The following CNTLN variants were observed in gnomAD, a reference collection of about 807,000 sequenced individuals.
CNTLN encodes the protein centlein, centrosomal protein.
Under a neutral mutation model 180.0 loss-of-function variants are expected in CNTLN, and 212 were observed. The observed-to-expected ratio is 1.18, with a 90% CI of 1.05 to 1.32. The LOEUF (loss-of-function observed/expected upper bound fraction) is 1.32, where lower values mean the gene tolerates loss of function less well. Among genes scored for constraint, CNTLN ranks in the 40% most tolerant of loss-of-function variants. CNTLN has a pLI of 0.00. For missense variants in CNTLN, 2,095 were observed against 1,610.9 expected (o/e 1.30, Z -5.14); for synonymous variants, 722 against 563.1 (o/e 1.28, Z -3.99).
At chr9:17,287,315 ATTT>A in intron 6 of CNTLN, among the ~76,000 whole-genome samples, 1 of 147,596 alleles carries the variant, frequency 6.8e-6, no homozygotes, top group Non-Finnish European at 1.5e-5. Flanking sequence ...ACATTTATTG[ATTT>A]GCGTATATTG....
intron 10 of CNTLN, among the ~76,000 whole-genome samples, chr9:17,333,519 C>T (rs781042865): frequency 6.6e-6 from 1 of 152,016 alleles, no homozygotes; most frequent in African/African-American, 2.4e-5. Context: ...ACACATGAAG[C>T]TCAGATTCTT....
intron 18 of CNTLN, among the ~76,000 whole-genome samples, chr9:17,420,531 G>GT (rs1828635174): frequency 6.6e-6 from 1 of 151,296 alleles, no homozygotes; most frequent in South Asian, 2.1e-4. Context: ...TTTTCATATT[G>GT]TTTTGTTCGT....
chr9:17,438,738 G>A (rs1410127740), intron 18 of CNTLN, among the ~76,000 whole-genome samples: 2 of 152,178 alleles, frequency 1.3e-5, no homozygotes, highest in African/African-American at 4.8e-5. Flanking sequence ...GCCTGGGCTA[G>A]ACATATAAAT....
At chr9:17,253,778 T>A (rs2132295260) in intron 5 of CNTLN, among the ~76,000 whole-genome samples, 1 of 150,816 alleles carries the variant, frequency 6.6e-6, no homozygotes, top group Admixed American at 6.6e-5. Flanking sequence ...TTTTTTCTTT[T>A]GCCTGATTGC....
At chr9:17,210,411 G>T (rs186729792) in intron 2 of CNTLN, among the ~76,000 whole-genome samples, 3,121 of 152,246 alleles carry the variant, frequency 0.02, 60 homozygotes, top group African/African-American at 0.055. Context: ...TTTTATGGCT[G>T]CATAGTAGTC....
At chr9:17,293,674 A>G (rs1817575190) in intron 6 of CNTLN, among the ~76,000 whole-genome samples, 1 of 152,122 alleles carries the variant, frequency 6.6e-6, no homozygotes, top group South Asian at 2.1e-4. Flanking sequence ...GATGGCTGCC[A>G]CCCCTTGCCC....
At chr9:17,240,027 C>T (rs963716113) in intron 5 of CNTLN, among the ~76,000 whole-genome samples, 1 of 152,094 alleles carries the variant, frequency 6.6e-6, no homozygotes, top group African/African-American at 2.4e-5. Flanking sequence ...TAGAGATTGC[C>T]TTGAATCAGT....
chr9:17,257,112 G>T (rs1169596584), intron 5 of CNTLN, among the ~76,000 whole-genome samples: 1 of 151,856 alleles, frequency 6.6e-6, no homozygotes, highest in Non-Finnish European at 1.5e-5. Context: ...ATCTCCTAAT[G>T]CTATCCCTCC....
chr9:17,388,347 C>T (rs1825847128), intron 14 of CNTLN, 94 bp downstream of exon 14: 1 of 759,988 alleles, frequency 1.3e-6, no homozygotes, highest in Non-Finnish European at 2.1e-6. Context: ...TAAATGTAAA[C>T]CTTGTGTGAA....
rs537196987 is a variant in CNTLN, at chr9:17,182,421, G to A, written c.449+39045G>A. Among the ~76,000 whole-genome samples the A allele has an allele frequency of 1.4e-3, 220 of 152,032 alleles. 1 individual carries two copies. Among genetic ancestry groups the A allele is most frequent in the Non-Finnish European group, 1.6e-3 (110 of 67,990 alleles). On this transcript the variant is annotated intron_variant, in intron 2 of 25. Transcript: ENST00000380647. ...AGGTCCCAAGGTCTCTAGTCAATCT[G>A]CCTTTTTTCCCCCACTTCAGAGTTT...
intron 13 of CNTLN, among the ~76,000 whole-genome samples, chr9:17,377,254 T>C (rs1412870785): frequency 1.3e-5 from 2 of 152,078 alleles, no homozygotes. Flanking sequence ...CCAGATAAAA[T>C]TCAAAGTATT....
chr9:17,234,457 C>G (rs1825013040), intron 3 of CNTLN, among the ~76,000 whole-genome samples: 1 of 151,972 alleles, frequency 6.6e-6, no homozygotes, highest in South Asian at 2.1e-4. Context: ...TCAAAAAAAA[C>G]TAACTAAATA....
At chr9:17,414,775 T>A (rs1828099933) in intron 16 of CNTLN, among the ~76,000 whole-genome samples, 1 of 152,192 alleles carries the variant, frequency 6.6e-6, no homozygotes, top group South Asian at 2.1e-4. Flanking sequence ...ATTGCATATA[T>A]CTATGTTTCC....
At chr9:17,326,040 A>C (rs1342240584) in intron 8 of CNTLN, among the ~76,000 whole-genome samples, 3 of 152,114 alleles carry the variant, frequency 2.0e-5, no homozygotes, top group African/African-American at 7.2e-5. Flanking sequence ...TAACACCTAA[A>C]GGCCCTTCCC....
intron 5 of CNTLN, among the ~76,000 whole-genome samples, chr9:17,260,300 T>G (rs940450918): frequency 2.7e-5 from 4 of 150,862 alleles, no homozygotes; most frequent in East Asian, 1.9e-4. Context: ...GTGAGTTTCT[T>G]AATCCTGAGT....
At chr9:17,512,787 C>T in the CNTLN span, among the ~76,000 whole-genome samples, 1 of 152,144 alleles carries the variant, frequency 6.6e-6, no homozygotes, top group African/African-American at 2.4e-5. Flanking sequence ...TGCTAGGAGA[C>T]ACACAGGACT....
Position 17,415,815 on chromosome 9 carries a change from A to G in CNTLN, c.2824A>G (p.Lys942Glu). The G allele has an allele frequency of 6.2e-7, 1 of 1,612,286 alleles. No homozygotes were observed. The highest frequency in any genetic ancestry group is 8.5e-7 in the Non-Finnish European group (1 of 1,179,082). Residue 942 changes from lysine (K) to glutamate (E), a missense_variant, in exon 17 of 26, where the codon AAA becomes GAA. Transcript: ENST00000380647. ...KDYFHDKNAK[K>E]PTFQKKNCKM... ...CTATTTTCATGATAAGAATGCCAAA[A>G]AACCAACTTTTCAAAAGAAGAATTG...
chr9:17,249,354 G>GTT (rs71327899), intron 5 of CNTLN, among the ~76,000 whole-genome samples: 5 of 99,120 alleles, frequency 5.0e-5, no homozygotes, highest in Non-Finnish European at 9.6e-5. Flanking sequence ...TGTTTTTTTT[G>GTT]TTTTTTTTTT....
intron 18 of CNTLN, among the ~76,000 whole-genome samples, chr9:17,426,069 C>T (rs565101581): frequency 6.6e-6 from 1 of 152,256 alleles, no homozygotes; most frequent in South Asian, 2.1e-4. Flanking sequence ...GGACCTAATC[C>T]TTCTTAGCAG....
Sources: allele counts gnomAD v4.1 joint callset (sites outside exome capture counted in the v4.1 genomes callset), GRCh38; gene constraint gnomAD v4.1.1; transcripts MANE v1.5; gene names NCBI Gene and HGNC (gene_info 2026-07-23, HGNC 2026-07-21).